ATP10B: variants seen among roughly 807,000 people sequenced by gnomAD.
ATP10B encodes phospholipid-transporting ATPase VB.
In ATP10B, 122 loss-of-function variants were observed where a neutral mutation model predicts 141.2. The observed-to-expected ratio is 0.86, with a 90% confidence interval of 0.75 to 1.00. The LOEUF is 1.00. Among genes scored for constraint, ATP10B ranks in the 50% least tolerant of loss-of-function variants. The probability of loss-of-function intolerance (pLI) is 0.00; values close to 1 mark genes in which losing one functional copy is unlikely to be tolerated. For missense variants in ATP10B, 1,876 were observed against 1,825.3 expected, an observed-to-expected ratio of 1.03 and a Z score of -0.51; for synonymous variants, 685 against 692.0, an observed-to-expected ratio of 0.99 and a Z score of 0.16.
At chr5:160,582,673 T>G (rs934296251) in intron 24 of ATP10B, among the ~76,000 whole-genome samples, 1 of 152,178 alleles carries the variant, frequency 6.6e-6, no homozygotes, top group Non-Finnish European at 1.5e-5. Flanking sequence ...CTGAAGAGTG[T>G]TTTCCAAGTT....
chr5:160,928,520 TG>T, the ATP10B span, among the ~76,000 whole-genome samples: 1 of 152,168 alleles, frequency 6.6e-6, no homozygotes, highest in South Asian at 2.1e-4. Context: ...ACATGGGTTC[TG>T]GGATCAGTAA....
chr5:160,774,776 G>A (rs1037215034), intron 2 of ATP10B, among the ~76,000 whole-genome samples: 22 of 152,158 alleles, frequency 1.4e-4, no homozygotes, highest in East Asian at 5.8e-4. Context: ...CTCCAGCTGC[G>A]TCTGGCTTTG....
At chr5:160,686,023 C>A in intron 6 of ATP10B, 56 bp downstream of exon 6, 1 of 1,296,540 alleles carries the variant, frequency 7.7e-7, no homozygotes, top group Non-Finnish European at 1.0e-6. Context: ...TGAGGCTATG[C>A]TGATGAGTTT....
intron 1 of ATP10B, among the ~76,000 whole-genome samples, chr5:160,849,751 T>C (rs10155632): frequency 0.13 from 20,019 of 152,094 alleles, 1,403 homozygotes; most frequent in African/African-American, 0.16. Flanking sequence ...CCGTTTTTTT[T>C]CTACTAAACA....
chr5:160,791,589 C>T (rs541013122), intron 1 of ATP10B, among the ~76,000 whole-genome samples: 157 of 152,244 alleles, frequency 1.0e-3, no homozygotes, highest in African/African-American at 3.4e-3. Flanking sequence ...AGGGTTAGTG[C>T]TTATTCTTCT....
At chr5:160,867,624 T>C in the ATP10B span, among the ~76,000 whole-genome samples, 1 of 152,102 alleles carries the variant, frequency 6.6e-6, no homozygotes, top group African/African-American at 2.4e-5. Context: ...TTGACTTAGA[T>C]TGGGAGGATA....
chr5:160,717,287 A>C (rs1198434973), intron 2 of ATP10B, among the ~76,000 whole-genome samples: 4 of 152,238 alleles, frequency 2.6e-5, no homozygotes, highest in Non-Finnish European at 5.9e-5. Flanking sequence ...AAATTTTTTC[A>C]AAGAAAATCT....
chr5:160,869,841 C>A, the ATP10B span, among the ~76,000 whole-genome samples: 5 of 152,132 alleles, frequency 3.3e-5, no homozygotes, highest in African/African-American at 1.2e-4. Flanking sequence ...TCCAGAAGGA[C>A]CCTGTCATGA....
At chr5:160,913,658 G>A in the ATP10B span, among the ~76,000 whole-genome samples, 56 of 152,220 alleles carry the variant, frequency 3.7e-4, no homozygotes, top group African/African-American at 1.3e-3. Flanking sequence ...TGGCAAAAAA[G>A]CTGACGGCAT....
intron 1 of ATP10B, among the ~76,000 whole-genome samples, chr5:160,801,224 G>A (rs1333309622): frequency 6.6e-6 from 1 of 152,108 alleles, no homozygotes; most frequent in Admixed American, 6.5e-5. Flanking sequence ...CTAAAATGAC[G>A]CTACTTTATA....
the ATP10B span, among the ~76,000 whole-genome samples, chr5:160,912,385 T>C: frequency 1.5e-5 from 2 of 131,618 alleles, no homozygotes; most frequent in African/African-American, 5.6e-5. Context: ...GAGACCAGCC[T>C]GGCCAATATC....
At position 160,564,747 on chromosome 5, in the gene ATP10B, G is replaced by A. The variant is rs570489484; in HGVS notation, c.*706C>T. The A allele has an allele frequency of 1.3e-5, 2 of 152,262 alleles. No individual in the cohort carries two copies. The highest frequency in any genetic ancestry group is 4.8e-5 in the African/African-American group (2 of 41,530). 9.4% of individuals were successfully genotyped at this position (152,262 alleles called of 1,614,324 possible). On this transcript the variant is annotated 3_prime_UTR_variant, in exon 26 of 26. Transcript: ENST00000327245. ...ACATATGGTCTGTCAGCCAAAACAG[G>A]GGTCTCTGGTGCACCCGTTCCCTTT...
chr5:160,727,664 A>G (rs1195671380), intron 2 of ATP10B, among the ~76,000 whole-genome samples: 1 of 151,994 alleles, frequency 6.6e-6, no homozygotes, highest in East Asian at 1.9e-4. Flanking sequence ...GGTGTTGGAG[A>G]CTGAAATCAG....
the ATP10B span, among the ~76,000 whole-genome samples, chr5:160,914,084 T>C: frequency 3.3e-5 from 5 of 152,230 alleles, no homozygotes; most frequent in African/African-American, 1.2e-4. Context: ...CAGGGTAGAT[T>C]GCAAAGTAGT....
intron 2 of ATP10B, among the ~76,000 whole-genome samples, chr5:160,777,626 CTGT>C (rs1329463238): frequency 1.3e-5 from 2 of 152,288 alleles, no homozygotes; most frequent in East Asian, 1.9e-4. Flanking sequence ...CTATATGTTC[CTGT>C]TATTAATGTC....
chr5:160,589,837 C>G, intron 23 of ATP10B, 141 bp from the exon 24 acceptor site: 1 of 631,960 alleles, frequency 1.6e-6, no homozygotes, highest in Non-Finnish European at 2.9e-6. Flanking sequence ...GGTACTGATC[C>G]GAGGAACAGG....
the ATP10B span, among the ~76,000 whole-genome samples, chr5:160,888,609 A>G: frequency 1.5e-4 from 23 of 152,316 alleles, no homozygotes; most frequent in Non-Finnish European, 2.6e-4. Flanking sequence ...AGAGGGGAGG[A>G]GGCAGAGGCA....
In ATP10B at chr5:160,708,010, G is replaced by A. The variant is rs75767023; in HGVS notation, c.-205+8899C>T. Among the ~76,000 whole-genome samples the A allele has an allele frequency of 9.9e-3, 1,513 of 152,238 alleles. 25 individuals carry two copies. Among genetic ancestry groups the A allele is most frequent in the African/African-American group, 0.035 (1,448 of 41,542 alleles). Reference sequence around the variant, plus strand: ...CACCTTCAGAAGACTTACTCTCTGAGGTCTAGTTTTCCCCTCTTCATTAAA... The same window carrying A: ...CACCTTCAGAAGACTTACTCTCTGAAGTCTAGTTTTCCCCTCTTCATTAAA... On this transcript the variant is annotated intron_variant, in intron 3 of 25. Transcript: ENST00000327245.
chr5:160,867,714 C>T, the ATP10B span, among the ~76,000 whole-genome samples: 2 of 152,026 alleles, frequency 1.3e-5, no homozygotes, highest in Non-Finnish European at 2.9e-5. Context: ...AATTTGTTGG[C>T]ATGGTTGTGT....
Sources: gnomAD v4.1 joint callset for allele counts (sites outside exome capture counted in the v4.1 genomes callset) on GRCh38, gnomAD v4.1.1 for gene constraint, MANE v1.5 for transcripts, NCBI Gene and HGNC (gene_info 2026-07-23, HGNC 2026-07-21) for gene names.